SIK3: variants seen among roughly 807,000 people sequenced by gnomAD.
The protein encoded by SIK3 is SIK family kinase 3.
In SIK3, 28 loss-of-function variants were observed where a neutral mutation model predicts 144.2. The observed-to-expected ratio is 0.19, with a 90% CI of 0.14 to 0.27. SIK3 has a LOEUF of 0.27. Among genes scored for constraint, SIK3 ranks in the 10% least tolerant of loss-of-function variants. The probability of loss-of-function intolerance (pLI) is 1.00; values close to 1 mark genes in which losing one functional copy is unlikely to be tolerated. For synonymous variants in SIK3, 686 were observed against 676.3 expected (o/e 1.01, Z -0.22); for missense variants, 1,319 against 1,776.0 (o/e 0.74, Z 4.62).
At chr11:117,074,412 G>A (rs931918313) in intron 1 of SIK3, among the ~76,000 whole-genome samples, 1 of 152,076 alleles carries the variant, frequency 6.6e-6, no homozygotes, top group Non-Finnish European at 1.5e-5. Flanking sequence ...GAAGACCTTG[G>A]TTCTACCTCT....
rs1052159496 is a variant in SIK3 at position 116,938,127 on chromosome 11, C to G, written c.455-10747G>C. Among the ~76,000 whole-genome samples the G allele has an allele frequency of 2.1e-5, 3 of 139,962 alleles. No homozygotes were observed. The Admixed American group carries it at 2.4e-4, about 11-fold the overall frequency. 91.8% of individuals were successfully genotyped at this position (139,962 alleles called of 152,430 possible). On this transcript the variant is annotated intron_variant, in intron 3 of 24. Transcript: ENST00000445177. ...GGCTGAGGCAGGAGAATCACTTGAA[C>G]CTGGGAGGCGGAGGCTGCAGTGAGC...
At chr11:117,011,451 T>C (rs1951250234) in intron 1 of SIK3, among the ~76,000 whole-genome samples, 1 of 152,232 alleles carries the variant, frequency 6.6e-6, no homozygotes, top group African/African-American at 2.4e-5. Flanking sequence ...CAGTAAAATT[T>C]CTGTCCATTG....
At chr11:116,932,458 T>C (rs1159099393) in intron 3 of SIK3, among the ~76,000 whole-genome samples, 1 of 152,130 alleles carries the variant, frequency 6.6e-6, no homozygotes, top group Non-Finnish European at 1.5e-5. Flanking sequence ...ATCACATGTG[T>C]AGATTTGTGG....
At chr11:116,959,308 C>A (rs1191805083) in intron 1 of SIK3, among the ~76,000 whole-genome samples, 2 of 152,012 alleles carry the variant, frequency 1.3e-5, no homozygotes, top group African/African-American at 4.8e-5. Flanking sequence ...CAGAATGAGA[C>A]CCTGTCTCAA....
intron 1 of SIK3, among the ~76,000 whole-genome samples, chr11:117,002,587 C>T (rs79606671): frequency 1.3e-5 from 2 of 152,126 alleles, no homozygotes; most frequent in East Asian, 1.9e-4. Flanking sequence ...TCATTCTACA[C>T]AATAAGCCTG....
At chr11:116,875,579 C>A in intron 9 of SIK3, 128 bp from the exon 10 acceptor site, 1 of 1,032,648 alleles carries the variant, frequency 9.7e-7, no homozygotes, top group Non-Finnish European at 1.4e-6. Flanking sequence ...TTCATCGGCC[C>A]TTAGAAGTCA....
intron 1 of SIK3, among the ~76,000 whole-genome samples, chr11:117,019,780 A>G (rs887260860): frequency 6.6e-6 from 1 of 152,028 alleles, no homozygotes; most frequent in Admixed American, 6.6e-5. Flanking sequence ...CGCCCGGCTA[A>G]TTTTTGTATT....
intron 1 of SIK3, among the ~76,000 whole-genome samples, chr11:117,056,894 G>A (rs576484916): frequency 6.6e-6 from 1 of 152,276 alleles, no homozygotes; most frequent in East Asian, 1.9e-4. Flanking sequence ...GTGAAATAAA[G>A]TAATACACAT....
chr11:117,004,835 A>G (rs1321675190), intron 1 of SIK3, among the ~76,000 whole-genome samples: 2 of 152,334 alleles, frequency 1.3e-5, no homozygotes, highest in Non-Finnish European at 1.5e-5. Context: ...GAAAGGAAAC[A>G]AGGTTAAAGC....
chr11:117,095,002 C>A (rs1955411152), intron 1 of SIK3, among the ~76,000 whole-genome samples: 1 of 152,006 alleles, frequency 6.6e-6, no homozygotes. Context: ...AACCAACAAC[C>A]AAATAGGAAA....
chr11:116,877,598 T>C (rs681524), intron 6 of SIK3, among the ~76,000 whole-genome samples: 7,030 of 152,322 alleles, frequency 0.046, 235 homozygotes, highest in Non-Finnish European at 0.072. Context: ...TTATTTATCA[T>C]TTTCTTCTCA....
At chr11:116,953,588 A>C (rs1177149335) in intron 3 of SIK3, among the ~76,000 whole-genome samples, 2 of 152,264 alleles carry the variant, frequency 1.3e-5, no homozygotes, top group Admixed American at 1.3e-4. Flanking sequence ...AACTGTGAAC[A>C]CATGGTAAAT....
rs189669817 is a variant in SIK3 at position 116,945,964 on chromosome 11, A to T, written c.454+8080T>A. Among the ~76,000 whole-genome samples, 397 of 152,270 alleles carry T rather than the reference A, an allele frequency of 2.6e-3. 4 individuals are homozygous for T. Among genetic ancestry groups the T allele is most frequent in the Middle Eastern group, 0.014 (4 of 294 alleles). On this transcript the variant is annotated intron_variant, in intron 3 of 24. Transcript: ENST00000445177. ...CATAATCTGCTACTCTCAATAGAAAATTATATGAAAAGCATGAAACATCTT... is the reference window on the plus strand; with the variant it reads ...CATAATCTGCTACTCTCAATAGAAATTTATATGAAAAGCATGAAACATCTT...
chr11:117,080,799 T>G (rs374301052), intron 1 of SIK3, among the ~76,000 whole-genome samples: 2 of 151,772 alleles, frequency 1.3e-5, no homozygotes, highest in African/African-American at 4.8e-5. Context: ...AATACAAAAA[T>G]TAGCTGGGTG....
intron 1 of SIK3, among the ~76,000 whole-genome samples, chr11:116,990,121 A>G (rs1346982790): frequency 1.3e-5 from 2 of 152,220 alleles, no homozygotes; most frequent in Admixed American, 6.5e-5. Context: ...GTCGTCATAT[A>G]AAGAAAAGGC....
At chr11:116,953,929 A>C in intron 3 of SIK3, 115 bp downstream of exon 3, 1 of 700,534 alleles carries the variant, frequency 1.4e-6, no homozygotes, top group Admixed American at 2.6e-5. Flanking sequence ...AAATGGCAGG[A>C]TTGAAGAACA....
intron 1 of SIK3, among the ~76,000 whole-genome samples, chr11:117,053,060 C>T (rs1238104608): frequency 1.3e-5 from 2 of 152,060 alleles, no homozygotes; most frequent in Non-Finnish European, 2.9e-5. Context: ...AACTGCAGGC[C>T]GGGCGCGGTG....
chr11:116,943,575 A>G (rs964023877), intron 3 of SIK3, among the ~76,000 whole-genome samples: 1 of 152,120 alleles, frequency 6.6e-6, no homozygotes. Context: ...ACATTCATCA[A>G]AGACACTCAC....
intron 4 of SIK3, among the ~76,000 whole-genome samples, chr11:116,921,113 G>T (rs1331369117): frequency 6.6e-6 from 1 of 152,186 alleles, no homozygotes; most frequent in Non-Finnish European, 1.5e-5. Flanking sequence ...TTAAAAGTCG[G>T]AGGCCAAGAA....
Sources: allele counts gnomAD v4.1 joint callset (sites outside exome capture counted in the v4.1 genomes callset), GRCh38; gene constraint gnomAD v4.1.1; transcripts MANE v1.5; gene names NCBI Gene and HGNC (gene_info 2026-07-23, HGNC 2026-07-21).